The following UBE2K variants were observed in gnomAD, a reference collection of about 807,000 sequenced individuals.
UBE2K encodes ubiquitin conjugating enzyme E2 K, also known as ubiquitin-conjugating enzyme E2 K.
UBE2K carries 6 observed loss-of-function variants against 30.0 expected under a neutral mutation model. The observed-to-expected ratio is 0.20, with a 90% CI of 0.11 to 0.39. The LOEUF is 0.39. Ranked by LOEUF, UBE2K falls within the 10% of genes least tolerant of loss-of-function variation. The pLI, the probability that UBE2K is intolerant of heterozygous loss-of-function variation, is 1.00. For synonymous variants in UBE2K, 86 were observed against 83.7 expected, an observed-to-expected ratio of 1.03 and a Z score of -0.15; for missense variants, 61 against 241.6, an observed-to-expected ratio of 0.25 and a Z score of 4.96.
chr4:39,717,242 T>C (rs77334488), intron 1 of UBE2K, among the ~76,000 whole-genome samples: 15,707 of 151,496 alleles, frequency 0.1, 1,090 homozygotes, highest in East Asian at 0.22. Context: ...TTCTTTCTTT[T>C]TTTTTTTTTA....
intron 4 of UBE2K, among the ~76,000 whole-genome samples, chr4:39,773,237 A>G (rs547602372): frequency 1.1e-3 from 165 of 151,702 alleles, no homozygotes; most frequent in African/African-American, 3.9e-3. Context: ...TGGGAGGCCA[A>G]GGCGGGCGGA....
intron 2 of UBE2K, among the ~76,000 whole-genome samples, chr4:39,744,894 G>A (rs1379523087): frequency 4.2e-5 from 6 of 143,872 alleles, no homozygotes; most frequent in South Asian, 2.1e-4. Flanking sequence ...GCAACAGAGC[G>A]AGACTCTGTC....
intron 3 of UBE2K, among the ~76,000 whole-genome samples, chr4:39,752,973 T>C (rs1047332675): frequency 6.6e-6 from 1 of 152,002 alleles, no homozygotes. Flanking sequence ...TGAGCCATGA[T>C]CGCACCACTC....
chr4:39,771,506 C>T (rs160096), intron 4 of UBE2K: 138,228 of 1,437,084 alleles, frequency 0.096, 11,708 homozygotes, highest in African/African-American at 0.45. Context: ...TTTTCCCCAC[C>T]CCCGCGGGGC....
intron 3 of UBE2K, among the ~76,000 whole-genome samples, chr4:39,752,325 CTTTTTTTTTCTTTTTTTTTTTTTTTT>C: frequency 4.7e-5 from 3 of 63,306 alleles, no homozygotes; most frequent in Non-Finnish European, 9.1e-5. Context: ...TTTTTTTTTT[CTTTTTTTTTCTTTTTTTTTTTTTTTT>C]TTTGAGACGG....
At chr4:39,743,903 C>G (rs951933680) in intron 2 of UBE2K, among the ~76,000 whole-genome samples, 1 of 152,078 alleles carries the variant, frequency 6.6e-6, no homozygotes, top group Admixed American at 6.6e-5. Context: ...TGCTCTGTCA[C>G]GTAGGCTGGA....
chr4:39,720,506 G>A (rs1352710793), intron 1 of UBE2K, among the ~76,000 whole-genome samples: 1 of 152,086 alleles, frequency 6.6e-6, no homozygotes, highest in Non-Finnish European at 1.5e-5. Context: ...ATAAATTATG[G>A]CTCAGTAAGG....
chr4:39,774,840 T>C lies in UBE2K; in HGVS notation c.306T>C (p.Ala102=). 1 of 1,505,472 alleles carries C rather than the reference T, an allele frequency of 6.6e-7. No individual in the cohort carries two copies. The highest frequency in any genetic ancestry group is 9.0e-7 in the Non-Finnish European group (1 of 1,114,064). The allele number at this position is 1,505,472 out of a possible 1,614,324, so 93.3% of individuals were successfully genotyped here. The change falls in exon 5 of 7, where the codon GCT becomes GCC. Residue 102 remains alanine (A), a synonymous_variant. Transcript: ENST00000261427. ...TTCATGTTTTGCATTTTAGGGCAGC[T>C]GCAATGACTCTCCGCACGGTATTAT... ...CLDILKDQWA[A]AMTLRTVLLS...
intron 1 of UBE2K, among the ~76,000 whole-genome samples, chr4:39,721,369 T>C (rs916646159): frequency 2.0e-5 from 3 of 152,018 alleles, no homozygotes; most frequent in African/African-American, 7.2e-5. Context: ...AGAGAAGTTA[T>C]AAGTATTTGG....
At chr4:39,770,440 C>T (rs200543855) in intron 4 of UBE2K, 361 of 1,611,946 alleles carry the variant, frequency 2.2e-4, no homozygotes, top group Middle Eastern at 4.0e-4. Context: ...CCCTGGAACA[C>T]TTCCGGGCAC....
chr4:39,705,308 G>A lies in UBE2K; in HGVS notation c.63+6918G>A, dbSNP rs541646840. Among the ~76,000 whole-genome samples, 29 of 144,390 alleles carry A rather than the reference G, an allele frequency of 2.0e-4. 1 individual carries two copies. The highest frequency in any genetic ancestry group is 2.4e-4 in the Non-Finnish European group (16 of 65,930). 94.7% of individuals were successfully genotyped at this position (144,390 alleles called of 152,430 possible). ...TGCCTCCCGGGTTCAAGCGACTCTCGTGCCTCAGCCTCCTGAGTAGCTGGT... is the reference window on the plus strand; with the variant it reads ...TGCCTCCCGGGTTCAAGCGACTCTCATGCCTCAGCCTCCTGAGTAGCTGGT... On this transcript the variant is annotated intron_variant, in intron 1 of 6. Coordinates refer to ENST00000261427, the MANE Select transcript of UBE2K (RefSeq NM_005339.5).
chr4:39,712,861 CTTTTTTTT>C (rs542180052), intron 1 of UBE2K, among the ~76,000 whole-genome samples: 1 of 133,710 alleles, frequency 7.5e-6, no homozygotes, highest in African/African-American at 2.8e-5. Context: ...TTAGTGTTTA[CTTTTTTTT>C]TTTTTTTTTT....
chr4:39,773,197 C>T (rs879936326), intron 4 of UBE2K, among the ~76,000 whole-genome samples: 11 of 151,952 alleles, frequency 7.2e-5, no homozygotes, highest in South Asian at 4.2e-4. Flanking sequence ...TGGCCGGGCG[C>T]GGTGGCTCAA....
intron 5 of UBE2K, among the ~76,000 whole-genome samples, chr4:39,776,226 T>G (rs1466317757): frequency 6.6e-6 from 1 of 152,218 alleles, no homozygotes; most frequent in African/African-American, 2.4e-5. Context: ...TTTTTCTCTG[T>G]GTCTCCTTTG....
chr4:39,721,989 C>T (rs900838896), intron 1 of UBE2K, among the ~76,000 whole-genome samples: 3 of 151,874 alleles, frequency 2.0e-5, no homozygotes, highest in African/African-American at 7.3e-5. Context: ...CTTGGGCAGC[C>T]GAGGTCGGAG....
chr4:39,734,675 G>A (rs302950), intron 1 of UBE2K, among the ~76,000 whole-genome samples: 25,381 of 152,024 alleles, frequency 0.17, 4,069 homozygotes, highest in African/African-American at 0.42. Context: ...AGCCAGGCAT[G>A]GTGGTGCACA....
At chr4:39,712,567 G>A (rs1242514640) in intron 1 of UBE2K, among the ~76,000 whole-genome samples, 4 of 151,446 alleles carry the variant, frequency 2.6e-5, no homozygotes, top group East Asian at 2.0e-4. Context: ...GATTATAGAC[G>A]CATGCCACCA....
intron 4 of UBE2K, among the ~76,000 whole-genome samples, chr4:39,763,853 C>T (rs1450110034): frequency 2.6e-5 from 4 of 152,068 alleles, no homozygotes; most frequent in Non-Finnish European, 5.9e-5. Flanking sequence ...GGTCTTCCCA[C>T]CTCAGCCTTC....
intron 3 of UBE2K, among the ~76,000 whole-genome samples, chr4:39,753,347 C>CT (rs1258966138): frequency 6.7e-6 from 1 of 148,886 alleles, no homozygotes; most frequent in Non-Finnish European, 1.5e-5. Context: ...GAGACCTTCT[C>CT]TGGGGGGGAA....
Sources: allele counts gnomAD v4.1 joint callset (sites outside exome capture counted in the v4.1 genomes callset), GRCh38; gene constraint gnomAD v4.1.1; transcripts MANE v1.5; gene names NCBI Gene and HGNC (gene_info 2026-07-23, HGNC 2026-07-21).